The following SRP72 variants were observed in gnomAD, a reference collection of about 807,000 sequenced individuals.
SRP72 encodes signal recognition particle subunit SRP72.
Under a neutral mutation model 96.3 loss-of-function variants are expected in SRP72, and 49 were observed. The ratio of observed to expected loss-of-function variants is 0.51; its 90% CI spans 0.40 to 0.65. The LOEUF (loss-of-function observed/expected upper bound fraction) is 0.65, where lower values mean the gene tolerates loss of function less well. SRP72 is among the 30% of genes least tolerant of loss of function. The probability of loss-of-function intolerance (pLI) is 0.00; values close to 1 mark genes in which losing one functional copy is unlikely to be tolerated. For missense variants in SRP72, 736 were observed against 793.3 expected, an observed-to-expected ratio of 0.93 and a Z score of 0.87; for synonymous variants, 267 against 275.2, an observed-to-expected ratio of 0.97 and a Z score of 0.30.
chr4:56,484,844 A>G lies in SRP72; in HGVS notation c.1066A>G (p.Lys356Glu), dbSNP rs763502310. 1 of 1,612,766 alleles carries G rather than the reference A, an allele frequency of 6.2e-7. No individual in the cohort carries two copies. Among genetic ancestry groups the G allele is most frequent in the Non-Finnish European group, 8.5e-7 (1 of 1,179,754 alleles). Residue 356 changes from lysine (K) to glutamate (E), a missense_variant, in exon 10 of 19, where the codon AAA becomes GAA. Transcript: ENST00000642900. ...AQLCREKQHT[K>E]AIELLQEFSD... ...GCTCTGCCGTGAAAAGCAGCACACA[A>G]AAGCAATAGAGCTGCTTCAGGTAAA...
intron 13 of SRP72, 55 bp downstream of exon 13, chr4:56,489,538 T>C: frequency 8.9e-7 from 1 of 1,128,646 alleles, no homozygotes; most frequent in Non-Finnish European, 1.3e-6. Context: ...AAAATAAAGA[T>C]GGAGTAGTGA....
intron 2 of SRP72, among the ~76,000 whole-genome samples, chr4:56,471,181 G>A (rs1344732289): frequency 1.3e-5 from 2 of 151,674 alleles, no homozygotes; most frequent in Non-Finnish European, 2.9e-5. Context: ...CATGGATTAT[G>A]GTTGAAACAT....
At position 56,500,481 on chromosome 4, in the gene SRP72, A is replaced by G. The variant is rs1578200376; in HGVS notation, c.1679-55A>G. The G allele has an allele frequency of 1.2e-5, 19 of 1,552,764 alleles. No homozygotes were observed. The East Asian group carries it at 3.1e-4, about 26-fold the overall frequency. Reference sequence around the variant, plus strand: ...CAGGCTTAGAGACATCGTTTAAACAAACTATCTTGAAAATATTATGACACA... The same window carrying G: ...CAGGCTTAGAGACATCGTTTAAACAGACTATCTTGAAAATATTATGACACA... On this transcript the variant is annotated intron_variant, in intron 17 of 18. Coordinates refer to ENST00000642900, the MANE Select transcript of SRP72 (RefSeq NM_006947.4).
At chr4:56,484,977 A>G (rs1386760637) in intron 10 of SRP72, 113 bp downstream of exon 10, 4 of 1,256,290 alleles carry the variant, frequency 3.2e-6, no homozygotes, top group African/African-American at 3.1e-5. Context: ...TCAGAAATGT[A>G]CCACTACACA....
chr4:56,484,642 A>G, intron 9 of SRP72, 94 bp from the exon 10 acceptor site: 1 of 1,524,650 alleles, frequency 6.6e-7, no homozygotes, highest in Non-Finnish European at 9.0e-7. Flanking sequence ...TATTTGTTTC[A>G]ACTGATTTTC....
rs551827259 is a variant in SRP72, at chr4:56,468,925, C to A, written c.110-728C>A. On this transcript the variant is annotated intron_variant, in intron 1 of 18. Transcript: ENST00000642900. Reference sequence around the variant, plus strand: ...TTTGAGAATTGGACTTCTGTAGTTGCACAGGAGCAAGAGTAACTATGATCC... The same window carrying A: ...TTTGAGAATTGGACTTCTGTAGTTGAACAGGAGCAAGAGTAACTATGATCC... Among the ~76,000 whole-genome samples, 18 of 152,272 alleles carry A rather than the reference C, an allele frequency of 1.2e-4. No individual in the cohort carries two copies. In the South Asian group the frequency reaches 3.7e-3, roughly 32 times the overall value.
At chr4:56,501,377 GCTGAGATGGTGCCACTGCATTCCAGC>G (rs1721256727) in intron 18 of SRP72, among the ~76,000 whole-genome samples, 1 of 152,156 alleles carries the variant, frequency 6.6e-6, no homozygotes, top group Non-Finnish European at 1.5e-5. Context: ...GTTGCAGTGA[GCTGAGATGGTGCCACTGCATTCCAGC>G]CTGAGGGACA....
chr4:56,489,461 TC>T lies in SRP72; in HGVS notation c.1300del (p.Gln434SerfsTer16). The T allele has an allele frequency of 6.3e-7, 1 of 1,592,258 alleles. No homozygotes were observed. ...GCCATTGAGGTCTTCACACAAGCTA[TC>T]CAGTGGTATCAAAACCATCAGGTAA... The part of the protein sequence containing the change: ...DSAIEVFTQA[I>X]QWYQNHQPKS... On this transcript the variant is annotated frameshift_variant, in exon 13 of 19. Transcript: ENST00000642900. LOFTEE classifies it high-confidence loss of function.
At chr4:56,490,516 A>G in intron 14 of SRP72, 52 bp from the exon 15 acceptor site, 2 of 1,600,566 alleles carry the variant, frequency 1.2e-6, no homozygotes, top group Non-Finnish European at 1.7e-6. Context: ...TGTTTATATT[A>G]CTTTCTCCAG....
chr4:56,471,700 GT>G lies in SRP72; in HGVS notation c.231-11del, dbSNP rs562216345. On this transcript the variant is annotated intron_variant, in intron 2 of 18. Coordinates refer to ENST00000642900, the MANE Select transcript of SRP72 (RefSeq NM_006947.4). ...CATTGTTAGATAATAATCAGATACT[GT>G]TTTTTTTTCCTTCTTCAGTAACTCT... 13 of 1,567,922 alleles carry G rather than the reference GT, an allele frequency of 8.3e-6. No homozygotes were observed. Among genetic ancestry groups the G allele is most frequent in the South Asian group, 1.1e-5 (1 of 87,940 alleles).
intron 2 of SRP72, among the ~76,000 whole-genome samples, chr4:56,470,149 G>A (rs1719915046): frequency 6.6e-6 from 1 of 151,848 alleles, no homozygotes. Context: ...TAAGTTTGAA[G>A]CATATTAATG....
chr4:56,494,109 A>G (rs567533884), intron 16 of SRP72, among the ~76,000 whole-genome samples: 1 of 152,142 alleles, frequency 6.6e-6, no homozygotes, highest in South Asian at 2.1e-4. Flanking sequence ...ATAGCAGAGA[A>G]CCCTTGGGAA....
chr4:56,479,534 T>C (rs1720395621), intron 8 of SRP72, among the ~76,000 whole-genome samples: 1 of 150,482 alleles, frequency 6.6e-6, no homozygotes, highest in Non-Finnish European at 1.5e-5. Flanking sequence ...TTTTTTTTTT[T>C]TTGAGACTGT....
intron 1 of SRP72, 75 bp downstream of exon 1, chr4:56,467,819 A>G (rs1719795157): frequency 1.5e-6 from 2 of 1,305,172 alleles, no homozygotes; most frequent in South Asian, 1.8e-5. Context: ...GCGCGAGACC[A>G]CCTCGCGCGG....
intron 11 of SRP72, among the ~76,000 whole-genome samples, chr4:56,487,659 C>T (rs905736495): frequency 6.6e-6 from 1 of 152,170 alleles, no homozygotes; most frequent in Admixed American, 6.5e-5. Context: ...AAATAGAACT[C>T]AACAGACTGG....
In SRP72 at chr4:56,495,590, C is replaced by T. The variant is rs73818110; in HGVS notation, c.1678+196C>T. ...TTCACTAGTTTGCCTAAATTCAAAT[C>T]GTTGCTCCCTCTTTTACTCTGTGAC... On this transcript the variant is annotated intron_variant, in intron 17 of 18. Transcript: ENST00000642900. Among the ~76,000 whole-genome samples, 970 of 152,238 alleles carry T rather than the reference C, an allele frequency of 6.4e-3. 5 individuals are homozygous for T. The highest frequency in any genetic ancestry group is 0.021 in the African/African-American group (862 of 41,530).
In SRP72 at chr4:56,493,032, TTTTG is replaced by T. The variant is rs546600525; in HGVS notation, c.1640+1476_1640+1479del. Among the ~76,000 whole-genome samples, 22 of 152,232 alleles carry T rather than the reference TTTTG, an allele frequency of 1.4e-4. No homozygotes were observed. The East Asian group carries it at 1.5e-3, about 11-fold the overall frequency. On this transcript the variant is annotated intron_variant, in intron 16 of 18. Coordinates refer to ENST00000642900, the MANE Select transcript of SRP72 (RefSeq NM_006947.4). ...AGTTTTTTTAAATAATCTTTGTTTC[TTTTG>T]TTTGTTTGTTTTCTTTTTTGAGACG...
intron 12 of SRP72, 54 bp from the exon 13 acceptor site, chr4:56,489,334 C>A: frequency 2.0e-6 from 2 of 991,506 alleles, no homozygotes; most frequent in Non-Finnish European, 1.5e-6. Context: ...TTTTCAAAAG[C>A]GGTATTCTGG....
intron 13 of SRP72, among the ~76,000 whole-genome samples, chr4:56,490,089 G>A (rs1473876276): frequency 6.6e-6 from 1 of 152,138 alleles, no homozygotes; most frequent in African/African-American, 2.4e-5. Flanking sequence ...TCCAGTTGTA[G>A]ACACTAAATA....
Sources: allele counts gnomAD v4.1 joint callset (sites outside exome capture counted in the v4.1 genomes callset), GRCh38; gene constraint gnomAD v4.1.1; transcripts MANE v1.5; gene names NCBI Gene and HGNC (gene_info 2026-07-23, HGNC 2026-07-21).